The following CADM2 variants were observed in gnomAD, a reference collection of about 807,000 sequenced individuals.
CADM2 encodes the protein immunoglobulin superfamily member 4D.
A neutral mutation model predicts 49.8 loss-of-function variants in CADM2; 12 were observed. That is an observed-to-expected ratio of 0.24 (90% confidence interval 0.15 to 0.39). CADM2 has a LOEUF of 0.39. CADM2 is among the 10% of genes least tolerant of loss of function. CADM2 has a pLI of 1.00. For missense variants in CADM2, 378 were observed against 492.3 expected (o/e 0.77, Z 2.20); for synonymous variants, 214 against 175.4 (o/e 1.22, Z -1.74).
At chr3:85,656,342 C>T (rs537095929) in intron 1 of CADM2, among the ~76,000 whole-genome samples, 7 of 152,118 alleles carry the variant, frequency 4.6e-5, no homozygotes, top group East Asian at 1.9e-4. Flanking sequence ...AAAAGCCGGG[C>T]GCAGTGGCTC....
In CADM2 at chr3:85,960,290, A is replaced by T. The variant is rs998592870; in HGVS notation, c.792-1179A>T. Among the ~76,000 whole-genome samples the T allele has an allele frequency of 2.0e-5, 3 of 151,954 alleles. No homozygotes were observed. In the Admixed American group the frequency reaches 2.0e-4, roughly 10 times the overall value. On this transcript the variant is annotated intron_variant, in intron 7 of 9. Transcript: ENST00000383699. ...GATGCCATACCCATAGACATCACTT[A>T]CTCAGTGCCTCTGTTCTAATTGTGT...
chr3:86,072,386 G>A lies in CADM2; in HGVS notation c.*5603G>A, dbSNP rs1415025321. The A allele has an allele frequency of 1.3e-5, 2 of 149,386 alleles. No individual in the cohort carries two copies. Among genetic ancestry groups the A allele is most frequent in the Non-Finnish European group, 3.0e-5 (2 of 67,472 alleles). 9.3% of individuals were successfully genotyped at this position (149,386 alleles called of 1,614,324 possible). On this transcript the variant is annotated 3_prime_UTR_variant, in exon 10 of 10. Transcript: ENST00000383699. ...TATTTTGGAGAGAATGGGCCCAAATGTGAAAAAGATATAAAAAAAACAAAA... is the reference window on the plus strand; with the variant it reads ...TATTTTGGAGAGAATGGGCCCAAATATGAAAAAGATATAAAAAAAACAAAA...
intron 6 of CADM2, among the ~76,000 whole-genome samples, chr3:85,923,258 G>A (rs1052017641): frequency 5.3e-5 from 8 of 152,052 alleles, no homozygotes; most frequent in Non-Finnish European, 1.0e-4. Context: ...TTTCCTTTCA[G>A]CAAAATCATA....
intron 1 of CADM2, among the ~76,000 whole-genome samples, chr3:85,012,873 A>G (rs1052573681): frequency 6.6e-6 from 1 of 151,832 alleles, no homozygotes; most frequent in Non-Finnish European, 1.5e-5. Flanking sequence ...GGACAAAAAA[A>G]GTACCAGGAT....
intron 1 of CADM2, among the ~76,000 whole-genome samples, chr3:85,025,010 T>TA (rs912352269): frequency 5.1e-4 from 76 of 150,464 alleles, no homozygotes; most frequent in South Asian, 1.9e-3. Context: ...TATTCAGCCT[T>TA]AAAAAAAAAC....
chr3:85,992,386 G>A (rs750795544), intron 8 of CADM2: 1 of 151,880 alleles, frequency 6.6e-6, no homozygotes, highest in Non-Finnish European at 1.5e-5. Context: ...AATATATGGA[G>A]TCATTTTATT....
At chr3:85,347,223 CAAAAAAAAAAAAAAAA>C in intron 1 of CADM2, among the ~76,000 whole-genome samples, 1 of 46,148 alleles carries the variant, frequency 2.2e-5, no homozygotes, top group African/African-American at 1.0e-4. Flanking sequence ...CTCTGTCTCA[CAAAAAAAAAAAAAAAA>C]AAAAAAAAAA....
At chr3:85,921,944 C>T (rs556537245) in intron 6 of CADM2, among the ~76,000 whole-genome samples, 20 of 152,198 alleles carry the variant, frequency 1.3e-4, no homozygotes, top group African/African-American at 4.3e-4. Flanking sequence ...GTAATCTCTT[C>T]GGACTGGCAT....
At chr3:85,400,353 G>A (rs58974764) in intron 1 of CADM2, among the ~76,000 whole-genome samples, 1,773 of 152,278 alleles carry the variant, frequency 0.012, 28 homozygotes, top group African/African-American at 0.041. Flanking sequence ...TTGTTTGCCA[G>A]TATTTTACTG....
At chr3:85,592,565 A>G (rs1456953518) in intron 1 of CADM2, among the ~76,000 whole-genome samples, 1 of 151,992 alleles carries the variant, frequency 6.6e-6, no homozygotes, top group Admixed American at 6.6e-5. Flanking sequence ...TTTTGGGTCA[A>G]CAATACCTTT....
chr3:85,838,703 ATTAC>A (rs1403944629), intron 3 of CADM2, among the ~76,000 whole-genome samples: 1 of 151,736 alleles, frequency 6.6e-6, no homozygotes, highest in East Asian at 1.9e-4. Flanking sequence ...ATTTAACTAA[ATTAC>A]TTCTCACTGA....
intron 2 of CADM2, among the ~76,000 whole-genome samples, chr3:85,782,027 T>C (rs1399792936): frequency 6.6e-6 from 1 of 152,236 alleles, no homozygotes; most frequent in East Asian, 1.9e-4. Flanking sequence ...TCCAAAGTAA[T>C]CATGGAAACA....
rs1348009420 is a variant in CADM2 at position 86,063,358 on chromosome 3, G to T, written c.971-2247G>T. On this transcript the variant is annotated intron_variant, in intron 8 of 9. Coordinates refer to ENST00000383699, the MANE Select transcript of CADM2 (RefSeq NM_001167675.2). ...ATTAAACCAAGAATGGTATACACAGGGTAATCAGGGATCTGTAGCAATTAT... is the reference window on the plus strand; with the variant it reads ...ATTAAACCAAGAATGGTATACACAGTGTAATCAGGGATCTGTAGCAATTAT... Among the ~76,000 whole-genome samples, 9 of 152,264 alleles carry T rather than the reference G, an allele frequency of 5.9e-5. No individual in the cohort carries two copies. The East Asian group carries it at 1.7e-3, about 29-fold the overall frequency.
Position 85,328,233 on chromosome 3 carries a change from T to C in CADM2, c.61+368565T>C, listed in dbSNP as rs1167395955. On this transcript the variant is annotated intron_variant, in intron 1 of 9. Coordinates refer to ENST00000383699, the MANE Select transcript of CADM2 (RefSeq NM_001167675.2). ...CTCTGTATATCTTGTAGGTCAAAACTGTTGTGACCATGAAGCAAACAAACA... is the reference window on the plus strand; with the variant it reads ...CTCTGTATATCTTGTAGGTCAAAACCGTTGTGACCATGAAGCAAACAAACA... Among the ~76,000 whole-genome samples, 3 of 152,186 alleles carry C rather than the reference T, an allele frequency of 2.0e-5. No homozygotes were observed. The East Asian group carries it at 5.8e-4, about 29-fold the overall frequency.
At position 85,014,656 on chromosome 3, in the gene CADM2, G is replaced by T. The variant is rs80016357; in HGVS notation, c.61+54988G>T. On this transcript the variant is annotated intron_variant, in intron 1 of 9. Coordinates refer to ENST00000383699, the MANE Select transcript of CADM2 (RefSeq NM_001167675.2). ...ATGTTTGTTAGTGGTTTTGGCTCAG[G>T]GTCTCTCACAAGATTGCAGAGGCTA... Among the ~76,000 whole-genome samples the T allele has an allele frequency of 3.3e-3, 506 of 152,152 alleles. 6 individuals are homozygous for T. The highest frequency in any genetic ancestry group is 0.011 in the African/African-American group (475 of 41,518).
chr3:85,754,281 C>G (rs764052767), intron 2 of CADM2, among the ~76,000 whole-genome samples: 2 of 152,122 alleles, frequency 1.3e-5, no homozygotes, highest in Non-Finnish European at 2.9e-5. Flanking sequence ...GACTGCCATT[C>G]CCTGACACCA....
chr3:85,319,796 G>C (rs6782173), intron 1 of CADM2, among the ~76,000 whole-genome samples: 1 of 152,090 alleles, frequency 6.6e-6, no homozygotes, highest in South Asian at 2.1e-4. Context: ...ACAGGAGGAA[G>C]AGGATCAGAA....
At chr3:85,751,319 A>G (rs1002289587) in intron 2 of CADM2, among the ~76,000 whole-genome samples, 1 of 152,240 alleles carries the variant, frequency 6.6e-6, no homozygotes, top group South Asian at 2.1e-4. Context: ...AACGGCAAAC[A>G]GTTTTCATTT....
chr3:85,926,099 T>G (rs548827227), intron 6 of CADM2, among the ~76,000 whole-genome samples: 1 of 151,552 alleles, frequency 6.6e-6, no homozygotes, highest in East Asian at 1.9e-4. Flanking sequence ...ATCATACCAC[T>G]GCACTCCAGC....
Sources: gnomAD v4.1 joint callset for allele counts (sites outside exome capture counted in the v4.1 genomes callset) on GRCh38, gnomAD v4.1.1 for gene constraint, MANE v1.5 for transcripts, NCBI Gene and HGNC (gene_info 2026-07-23, HGNC 2026-07-21) for gene names.